Variants in NR3C1 observed in about 807,000 individuals in gnomAD.
NR3C1 encodes nuclear receptor subfamily 3 group C member 1, also known as glucocorticoid receptor.
A neutral mutation model predicts 74.0 loss-of-function variants in NR3C1; 14 were observed. The observed-to-expected ratio is 0.19, with a 90% CI of 0.12 to 0.30. NR3C1 has a LOEUF of 0.30. Ranked by LOEUF, NR3C1 falls within the 10% of genes least tolerant of loss-of-function variation. The pLI is 1.00. For synonymous variants in NR3C1, 308 were observed against 332.5 expected (o/e 0.93, Z 0.80); for missense variants, 695 against 909.8 (o/e 0.76, Z 3.04).
chr5:143,365,323 T>C (rs374166549), intron 2 of NR3C1, among the ~76,000 whole-genome samples: 2 of 151,806 alleles, frequency 1.3e-5, no homozygotes, highest in African/African-American at 4.8e-5. Context: ...AGAACACAAA[T>C]AGAAAGTAAA....
chr5:143,349,497 A>G (rs905013600), intron 2 of NR3C1, among the ~76,000 whole-genome samples: 3 of 152,012 alleles, frequency 2.0e-5, no homozygotes, highest in Non-Finnish European at 4.4e-5. Context: ...ATCAGTATCC[A>G]CTGTTATCAG....
At chr5:143,292,009 C>G (rs770558303) in intron 7 of NR3C1, among the ~76,000 whole-genome samples, 1 of 152,220 alleles carries the variant, frequency 6.6e-6, no homozygotes, top group African/African-American at 2.4e-5. Context: ...TTTTAGCATG[C>G]CTTGTAGTTT....
At chr5:143,311,788 G>GTTTTT (rs34827388) in intron 3 of NR3C1, among the ~76,000 whole-genome samples, 4 of 119,410 alleles carry the variant, frequency 3.3e-5, no homozygotes, top group Non-Finnish European at 5.2e-5. Context: ...CCTGGATAAC[G>GTTTTT]TTTTTTTTTT....
upstream of NR3C1, chr5:143,403,991 C>T: frequency 3.0e-6 from 3 of 984,976 alleles, no homozygotes; most frequent in Non-Finnish European, 2.4e-6. Context: ...CCGACCTGGT[C>T]TCTCTGGGGC....
In NR3C1 at chr5:143,400,630, T is replaced by A. The variant is rs761781012; in HGVS notation, c.210A>T (p.Val70=). 33 of 1,614,036 alleles carry A rather than the reference T, an allele frequency of 2.0e-5. No individual in the cohort carries two copies. Among genetic ancestry groups the A allele is most frequent in the South Asian group, 1.2e-4 (11 of 91,092 alleles). ...ACAGATCTGGCTGCTGCGCATTGCT[T>A]ACTGAGCCTTTTGGAAAATCAACCA... ...RLLVDFPKGS[V]SNAQQPDLSK... is the part of the protein sequence containing the mutation. Residue 70 remains valine (V), a synonymous_variant, in exon 2 of 9, where the codon GTA becomes GTT. Coordinates refer to ENST00000394464, the MANE Select transcript of NR3C1 (RefSeq NM_000176.3).
At chr5:143,421,062 C>T (rs1432625280) in intron 1 of NR3C1, among the ~76,000 whole-genome samples, 1 of 152,034 alleles carries the variant, frequency 6.6e-6, no homozygotes, top group Non-Finnish European at 1.5e-5. Context: ...AAAAAAGATA[C>T]TTGATTAACC....
intron 2 of NR3C1, among the ~76,000 whole-genome samples, chr5:143,363,323 G>A (rs1296428697): frequency 1.3e-5 from 2 of 152,168 alleles, no homozygotes; most frequent in African/African-American, 2.4e-5. Flanking sequence ...GAGACAGTCT[G>A]ACTGCCAGAG....
intron 2 of NR3C1, among the ~76,000 whole-genome samples, chr5:143,362,177 T>C (rs879041115): frequency 1.3e-5 from 2 of 152,274 alleles, no homozygotes; most frequent in African/African-American, 4.8e-5. Context: ...GAATTTTTAC[T>C]GAAAAACAAA....
intron 2 of NR3C1, among the ~76,000 whole-genome samples, chr5:143,394,069 G>GA (rs915832662): frequency 4.0e-5 from 6 of 150,666 alleles, no homozygotes; most frequent in East Asian, 1.9e-4. Context: ...CAGTGAGAAT[G>GA]AAAAAAAAAT....
rs61757440 is a variant in NR3C1 at position 143,414,593 on chromosome 5, G to A, written c.-13-13741C>T. ...TTTTACCTCTCTGTGATTTTATCAC[G>A]TGTGTTTCTGTTCATCAGACTAACA... On this transcript the variant is annotated intron_variant, in intron 1 of 8. Coordinates refer to the NR3C1 transcript ENST00000343796. Among the ~76,000 whole-genome samples, 524 of 152,030 alleles carry A rather than the reference G, an allele frequency of 3.4e-3. 6 individuals are homozygous for A. Among genetic ancestry groups the A allele is most frequent in the East Asian group, 0.03 (156 of 5,178 alleles).
rs1255918593 is a variant in NR3C1, at chr5:143,281,587, G to A, written c.*302C>T. 3.1e-6 allele frequency: 1 copy of A among 321,372 alleles called. No homozygotes were observed. Among genetic ancestry groups the A allele is most frequent in the Non-Finnish European group, 5.9e-6 (1 of 168,686 alleles). The allele number at this position is 321,372 out of a possible 1,614,324, so 19.9% of individuals were successfully genotyped here. On this transcript the variant is annotated 3_prime_UTR_variant, in exon 9 of 9. Coordinates refer to ENST00000394464, the MANE Select transcript of NR3C1 (RefSeq NM_000176.3). Reference sequence around the variant, plus strand: ...CAGACTTTGGGCACTGGTGGTTTAGGTGCCATCCTTCTTTGACTGTGGAGA... The same window carrying A: ...CAGACTTTGGGCACTGGTGGTTTAGATGCCATCCTTCTTTGACTGTGGAGA...
intron 7 of NR3C1, among the ~76,000 whole-genome samples, chr5:143,291,195 T>C (rs1393702431): frequency 1.3e-5 from 2 of 152,128 alleles, no homozygotes; most frequent in African/African-American, 2.4e-5. Context: ...CCACTTTTGT[T>C]ATTCTTCAGT....
In NR3C1 at chr5:143,300,837, G is replaced by T; in HGVS notation, c.1469-74C>A. 1 of 1,331,926 alleles carries T rather than the reference G, an allele frequency of 7.5e-7. No individual in the cohort carries two copies. Among genetic ancestry groups the T allele is most frequent in the Non-Finnish European group, 1.0e-6 (1 of 956,316 alleles). 82.5% of individuals were successfully genotyped at this position (1,331,926 alleles called of 1,614,324 possible). A position where few individuals can be genotyped will look rare whatever the true frequency, so the allele number is the denominator to read the frequency against. ...CTGCGCTACACAGTTTATTCAAGAAGTATTTTTACTTTCTAAAACTATTAA... is the reference window on the plus strand; with the variant it reads ...CTGCGCTACACAGTTTATTCAAGAATTATTTTTACTTTCTAAAACTATTAA... On this transcript the variant is annotated intron_variant, in intron 4 of 8. Transcript: ENST00000394464. The surrounding 1 kb of genome is among the most constrained non-coding windows in gnomAD (Gnocchi z 5.2).
At position 143,400,704 on chromosome 5, in the gene NR3C1, G is replaced by C; in HGVS notation, c.136C>G (p.Pro46Ala). 1.2e-6 allele frequency: 2 copies of C among 1,614,186 alleles called. No individual in the cohort carries two copies. Among genetic ancestry groups the C allele is most frequent in the Non-Finnish European group, 1.7e-6 (2 of 1,180,026 alleles). The change falls in exon 2 of 9, where the codon CCC becomes GCC. Residue 46 changes from proline (P) to alanine (A), a missense_variant. Physicochemically the swap from Pro to Ala is conservative, Grantham distance 27 (BLOSUM62 -1). Coordinates refer to ENST00000394464, the MANE Select transcript of NR3C1 (RefSeq NM_000176.3). ...GATTGAGAAGCGACAGCCAGTGAGG[G>C]TGAAGACGCAGAAACCTTCACAGTA... ...GATVKVSASS[P>A]SLAVASQSDS...
chr5:143,403,527 A>G lies in NR3C1; in HGVS notation c.-330T>C. The G allele has an allele frequency of 9.1e-6, 9 of 985,336 alleles. No individual in the cohort carries two copies. The highest frequency in any genetic ancestry group is 9.6e-6 in the Non-Finnish European group (8 of 830,032). 61.0% of individuals were successfully genotyped at this position (985,336 alleles called of 1,614,324 possible). On this transcript the variant is annotated 5_prime_UTR_variant, in exon 1 of 9. Coordinates refer to ENST00000394464, the MANE Select transcript of NR3C1 (RefSeq NM_000176.3). ...TGCGGCGTCTCCTTCCACCCACAGA[A>G]TCCGTCCCCGACGGGCAGGCGGTGA...
intron 2 of NR3C1, among the ~76,000 whole-genome samples, chr5:143,383,245 G>A (rs997966766): frequency 5.9e-5 from 9 of 152,156 alleles, no homozygotes; most frequent in African/African-American, 1.7e-4. Context: ...CAATAAAAGT[G>A]CTGTTCTTAT....
intron 2 of NR3C1, among the ~76,000 whole-genome samples, chr5:143,316,963 G>C (rs1399651304): frequency 2.0e-5 from 3 of 152,110 alleles, no homozygotes; most frequent in Non-Finnish European, 4.4e-5. Flanking sequence ...ATGAACAAAT[G>C]GATTGATAGT....
rs185772761 is a variant in NR3C1, at chr5:143,428,355, C to T, written c.-14+6177G>A. On this transcript the variant is annotated intron_variant, in intron 1 of 8. Coordinates refer to the NR3C1 transcript ENST00000343796. ...CACATGGTGAGTGAATGTTGAAATA[C>T]TGATCTGCTGAGGACTGAGCTTCTG... 1.7e-3 allele frequency among the ~76,000 whole-genome samples: 266 copies of T among 152,308 alleles called. 7 individuals are homozygous for T. The highest frequency in any genetic ancestry group is 5.0e-4 in the Non-Finnish European group (34 of 68,024).
rs1219489389 is a variant in NR3C1 at position 143,354,886 on chromosome 5, G to A, written c.1185-40718C>T. Among the ~76,000 whole-genome samples the A allele has an allele frequency of 3.5e-5, 5 of 143,558 alleles. No individual in the cohort carries two copies. In the East Asian group the frequency reaches 1.0e-3, roughly 30 times the overall value. 94.2% of individuals were successfully genotyped at this position (143,558 alleles called of 152,430 possible). A position where few individuals can be genotyped will look rare whatever the true frequency, so the allele number is the denominator to read the frequency against. On this transcript the variant is annotated intron_variant, in intron 2 of 8. Coordinates refer to ENST00000394464, the MANE Select transcript of NR3C1 (RefSeq NM_000176.3). ...TGCTGTGAGCCAAGATTGAACCACTGCACTCCAGCCTGGGTGACAGAGCAA... is the reference window on the plus strand; with the variant it reads ...TGCTGTGAGCCAAGATTGAACCACTACACTCCAGCCTGGGTGACAGAGCAA...
Sources: gnomAD v4.1 joint callset for allele counts (sites outside exome capture counted in the v4.1 genomes callset) on GRCh38, gnomAD v4.1.1 for gene constraint, Gnocchi (gnomAD v3.1) non-coding constraint, MANE v1.5 for transcripts, NCBI Gene and HGNC (gene_info 2026-07-23, HGNC 2026-07-21) for gene names.